GPC5: variants seen among roughly 807,000 people sequenced by gnomAD.
GPC5 encodes glypican-5.
A neutral mutation model predicts 53.9 loss-of-function variants in GPC5; 47 were observed. The observed-to-expected ratio is 0.87, with a 90% confidence interval of 0.69 to 1.11. The LOEUF is 1.11. GPC5 is among the 50% of genes most tolerant of loss of function. GPC5 has a pLI of 0.00. For missense variants in GPC5, 748 were observed against 713.1 expected (o/e 1.05, Z -0.56); for synonymous variants, 286 against 263.3 (o/e 1.09, Z -0.84).
chr13:91,685,121 T>TACAAACAA (rs377713018), intron 2 of GPC5, among the ~76,000 whole-genome samples: 9 of 152,008 alleles, frequency 5.9e-5, no homozygotes, highest in South Asian at 4.2e-4. Flanking sequence ...ACACTGTCTC[T>TACAAACAA]ACAAACAAAC....
intron 5 of GPC5, among the ~76,000 whole-genome samples, chr13:91,869,833 C>T (rs997293136): frequency 6.6e-6 from 1 of 152,114 alleles, no homozygotes; most frequent in African/African-American, 2.4e-5. Flanking sequence ...ATGGTGACAG[C>T]AGAGGGAGAG....
At chr13:92,361,723 A>G (rs2043568903) in intron 7 of GPC5, among the ~76,000 whole-genome samples, 1 of 151,664 alleles carries the variant, frequency 6.6e-6, no homozygotes, top group Non-Finnish European at 1.5e-5. Flanking sequence ...GAGAAGAAAG[A>G]GGGTGCTGAT....
At chr13:92,582,148 T>A (rs551612402) in intron 7 of GPC5, among the ~76,000 whole-genome samples, 32 of 152,256 alleles carry the variant, frequency 2.1e-4, no homozygotes, top group African/African-American at 7.7e-4. Flanking sequence ...TTTGCCCCTA[T>A]ACTTTCTTCT....
intron 7 of GPC5, among the ~76,000 whole-genome samples, chr13:92,513,237 C>T (rs776540473): frequency 1.3e-5 from 2 of 152,112 alleles, no homozygotes; most frequent in African/African-American, 4.8e-5. Context: ...CCATATTGGA[C>T]CTAGAAGTAA....
intron 7 of GPC5, among the ~76,000 whole-genome samples, chr13:92,321,671 A>T (rs1297071364): frequency 2.0e-5 from 3 of 152,140 alleles, no homozygotes; most frequent in Admixed American, 6.5e-5. Flanking sequence ...AGTCAAATCA[A>T]ATTATTGATG....
intron 7 of GPC5, among the ~76,000 whole-genome samples, chr13:92,166,397 T>C (rs1210724327): frequency 6.6e-6 from 1 of 152,220 alleles, no homozygotes; most frequent in Admixed American, 6.5e-5. Context: ...TCCATTTCAT[T>C]TCTCAAATAC....
At chr13:92,722,469 A>G (rs1888533011) in intron 7 of GPC5, among the ~76,000 whole-genome samples, 1 of 151,870 alleles carries the variant, frequency 6.6e-6, no homozygotes, top group Non-Finnish European at 1.5e-5. Context: ...CCACAGAATA[A>G]AGCATAAATT....
chr13:92,581,790 G>A (rs1279378098), intron 7 of GPC5, among the ~76,000 whole-genome samples: 2 of 152,058 alleles, frequency 1.3e-5, no homozygotes, highest in Non-Finnish European at 2.9e-5. Flanking sequence ...TAGTATGGTT[G>A]TAATTTGCAT....
intron 7 of GPC5, among the ~76,000 whole-genome samples, chr13:92,663,652 C>G (rs1352127403): frequency 2.2e-5 from 3 of 134,824 alleles, no homozygotes; most frequent in African/African-American, 8.4e-5. Flanking sequence ...TATATATATA[C>G]TATATATATA....
At chr13:91,542,981 C>T (rs7490394) in intron 2 of GPC5, among the ~76,000 whole-genome samples, 66,820 of 151,364 alleles carry the variant, frequency 0.44, 18,022 homozygotes, top group East Asian at 0.7. Flanking sequence ...CTCAGCCTCC[C>T]GAGTAGGTGG....
At chr13:92,271,066 A>T (rs1207701080) in intron 7 of GPC5, among the ~76,000 whole-genome samples, 1 of 152,164 alleles carries the variant, frequency 6.6e-6, no homozygotes, top group East Asian at 1.9e-4. Context: ...CTATCACTTG[A>T]TGTAAACTAT....
intron 2 of GPC5, among the ~76,000 whole-genome samples, chr13:91,502,096 G>GT (rs1185143886): frequency 9.9e-5 from 15 of 152,130 alleles, no homozygotes; most frequent in East Asian, 3.9e-4. Flanking sequence ...GGGGTTGTTT[G>GT]TTTTTTTCTT....
intron 7 of GPC5, among the ~76,000 whole-genome samples, chr13:92,281,433 A>T (rs888980741): frequency 1.3e-5 from 2 of 152,200 alleles, no homozygotes; most frequent in African/African-American, 2.4e-5. Flanking sequence ...AGATCTGAGA[A>T]CAGACAGACT....
At chr13:91,696,919 A>T (rs1170996144) in intron 3 of GPC5, among the ~76,000 whole-genome samples, 1 of 152,198 alleles carries the variant, frequency 6.6e-6, no homozygotes, top group Non-Finnish European at 1.5e-5. Context: ...TGGATTTCAC[A>T]TCTGTCTCTG....
intron 5 of GPC5, among the ~76,000 whole-genome samples, chr13:91,802,328 G>A (rs1360486176): frequency 5.3e-5 from 8 of 152,030 alleles, no homozygotes; most frequent in Non-Finnish European, 1.2e-4. Context: ...TAAAGGTGGC[G>A]CATCAGAGTT....
chr13:92,362,045 A>C (rs532838723), intron 7 of GPC5, among the ~76,000 whole-genome samples: 1 of 151,898 alleles, frequency 6.6e-6, no homozygotes, highest in East Asian at 1.9e-4. Context: ...TAGGATCAAA[A>C]ATAAGAATAA....
intron 7 of GPC5, among the ~76,000 whole-genome samples, chr13:92,182,155 T>C (rs1054131613): frequency 6.6e-6 from 1 of 152,312 alleles, no homozygotes; most frequent in Admixed American, 6.5e-5. Context: ...GAGCTAATGG[T>C]TTCGGATTAT....
At chr13:91,507,587 C>T (rs1018170240) in intron 2 of GPC5, among the ~76,000 whole-genome samples, 2 of 152,184 alleles carry the variant, frequency 1.3e-5, no homozygotes, top group African/African-American at 2.4e-5. Flanking sequence ...TCAGTCATCT[C>T]CCACTGGGTC....
chr13:92,473,117 T>C (rs981904689), intron 7 of GPC5, among the ~76,000 whole-genome samples: 2 of 152,042 alleles, frequency 1.3e-5, no homozygotes, highest in Admixed American at 1.3e-4. Context: ...CCCAGGATGG[T>C]GGTCTGAACA....
Sources: gnomAD v4.1 joint callset for allele counts (sites outside exome capture counted in the v4.1 genomes callset) on GRCh38, gnomAD v4.1.1 for gene constraint, MANE v1.5 for transcripts, NCBI Gene and HGNC (gene_info 2026-07-23, HGNC 2026-07-21) for gene names.